The following TDP1 variants were observed in gnomAD, a reference collection of about 807,000 sequenced individuals.
The protein encoded by TDP1 is tyrosyl-DNA phosphodiesterase 1, also known as tyr-DNA phosphodiesterase 1.
TDP1 carries 64 observed loss-of-function variants against 81.5 expected under a neutral mutation model. That is an observed-to-expected ratio of 0.79 (90% CI 0.64 to 0.97). TDP1 has a LOEUF of 0.97. Ranked by LOEUF, TDP1 falls within the 50% of genes least tolerant of loss-of-function variation. The pLI, the probability that TDP1 is intolerant of heterozygous loss-of-function variation, is 0.00. For missense variants in TDP1, 723 were observed against 743.8 expected, an observed-to-expected ratio of 0.97 and a Z score of 0.33; for synonymous variants, 256 against 264.3, an observed-to-expected ratio of 0.97 and a Z score of 0.30.
rs184340592 is a variant in TDP1, at chr14:89,960,372, A to G, written c.-7-2736A>G. Among the ~76,000 whole-genome samples, 9 of 152,262 alleles carry G rather than the reference A, an allele frequency of 5.9e-5. No homozygotes were observed. The East Asian group carries it at 1.7e-3, about 29-fold the overall frequency. Reference sequence around the variant, plus strand: ...TAGTAAATCAATCTGAATCTCTTTCATGGAGGAAACTGGGCACTCAGACCC... The same window carrying G: ...TAGTAAATCAATCTGAATCTCTTTCGTGGAGGAAACTGGGCACTCAGACCC... On this transcript the variant is annotated intron_variant, in intron 2 of 16. Transcript: ENST00000335725.
chr14:90,042,668 C>T (rs1888474756), intron 16 of TDP1, among the ~76,000 whole-genome samples: 1 of 152,154 alleles, frequency 6.6e-6, no homozygotes. Flanking sequence ...GGCACGAGAG[C>T]ACTTGTGTAG....
rs73326494 is a variant in TDP1 at position 89,999,258 on chromosome 14, A to G, written c.1541+5775A>G. Among the ~76,000 whole-genome samples the G allele has an allele frequency of 4.0e-3, 610 of 152,348 alleles. 4 individuals carry two copies. The highest frequency in any genetic ancestry group is 0.014 in the African/African-American group (589 of 41,584). ...CCTAGATTTTATGCTCTGGTGGACA[A>G]TATCATCATCCTTGAGAATAAATTC... On this transcript the variant is annotated intron_variant, in intron 14 of 16. Coordinates refer to ENST00000335725, the MANE Select transcript of TDP1 (RefSeq NM_018319.4).
intron 16 of TDP1, among the ~76,000 whole-genome samples, chr14:90,036,816 T>TCAAAA (rs1887867049): frequency 7.6e-6 from 1 of 131,666 alleles, no homozygotes; most frequent in Non-Finnish European, 1.6e-5. Context: ...CCCCGCCCCT[T>TCAAAA]AAAAAAAAAA....
Position 90,033,277 on chromosome 14 carries a change from G to A in TDP1, c.1753+63G>A, listed in dbSNP as rs747293193. The A allele has an allele frequency of 1.0e-4, 100 of 988,576 alleles. No individual in the cohort carries two copies. The South Asian group carries it at 1.1e-3, about 11-fold the overall frequency. 61.2% of individuals were successfully genotyped at this position (988,576 alleles called of 1,614,324 possible). On this transcript the variant is annotated intron_variant, in intron 16 of 16. Transcript: ENST00000335725. The stretch of plus-strand genomic sequence containing the variant: ...CATAAGAAAAACAAACAGAGCCCAG[G>A]AGAAGCCTTTGGTCTCAGTGGGATC...
chr14:89,963,565 G>T lies in TDP1; in HGVS notation c.451G>T (p.Gly151Cys). ...AGACGAGTATGAGACATCAGGGGAGGGCCAGGACATTTGGGACATGCTGGA... is the reference window on the plus strand; with the variant it reads ...AGACGAGTATGAGACATCAGGGGAGTGCCAGGACATTTGGGACATGCTGGA... ...EEDEYETSGEGQDIWDMLDKG... is the reference protein window; with the variant it reads ...EEDEYETSGECQDIWDMLDKG... Residue 151 changes from glycine to cysteine, a missense_variant, in exon 3 of 17, where the codon GGC becomes TGC. Transcript: ENST00000335725. The T allele has an allele frequency of 6.2e-7, 1 of 1,613,364 alleles. No individual in the cohort carries two copies. Among genetic ancestry groups the T allele is most frequent in the Non-Finnish European group, 8.5e-7 (1 of 1,179,564 alleles).
intron 15 of TDP1, among the ~76,000 whole-genome samples, chr14:90,022,553 G>A (rs1392191710): frequency 6.6e-6 from 1 of 152,248 alleles, no homozygotes; most frequent in Non-Finnish European, 1.5e-5. Flanking sequence ...CCAGAGAAGG[G>A]AGGATGGATG....
chr14:89,959,128 A>T (rs932010711), intron 2 of TDP1, among the ~76,000 whole-genome samples: 2 of 152,228 alleles, frequency 1.3e-5, no homozygotes, highest in African/African-American at 4.8e-5. Context: ...CCACTTCAGG[A>T]AACACTGTGC....
intron 3 of TDP1, chr14:89,965,683 C>A (rs1008562060): frequency 2.9e-6 from 2 of 680,580 alleles, no homozygotes; most frequent in Non-Finnish European, 3.6e-6. Flanking sequence ...TCTGTCCTTT[C>A]ATTCACAGGC....
rs35281316 is a variant in TDP1, at chr14:89,992,682, A to C, written c.1434-694A>C. ...ACATTTCTTTAAATTGAACTCATTT[A>C]AATATTATATTATTAAATTCACTTG... On this transcript the variant is annotated intron_variant, in intron 13 of 16. Transcript: ENST00000335725. Among the ~76,000 whole-genome samples the C allele has an allele frequency of 6.0e-3, 907 of 152,320 alleles. 6 individuals are homozygous for C. Among genetic ancestry groups the C allele is most frequent in the African/African-American group, 0.021 (871 of 41,580 alleles).
rs532176584 is a variant in TDP1 at position 89,994,259 on chromosome 14, C to T, written c.1541+776C>T. On this transcript the variant is annotated intron_variant, in intron 14 of 16. Transcript: ENST00000335725. Reference sequence around the variant, plus strand: ...AACAAACTTTTAAACAAAAGAGCCACTTACATCTTCTTGGCGAGAGAGAAA... The same window carrying T: ...AACAAACTTTTAAACAAAAGAGCCATTTACATCTTCTTGGCGAGAGAGAAA... Among the ~76,000 whole-genome samples the T allele has an allele frequency of 1.8e-4, 28 of 152,310 alleles. No homozygotes were observed. In the South Asian group the frequency reaches 5.4e-3, roughly 29 times the overall value.
At chr14:90,037,172 A>C (rs963710551) in intron 16 of TDP1, among the ~76,000 whole-genome samples, 2 of 152,170 alleles carry the variant, frequency 1.3e-5, no homozygotes, top group African/African-American at 4.8e-5. Flanking sequence ...GATTATTTCC[A>C]TATGTCCCAC....
At chr14:89,998,420 A>ATATATATGTATG (rs1566891293) in intron 14 of TDP1, among the ~76,000 whole-genome samples, 5 of 79,284 alleles carry the variant, frequency 6.3e-5, no homozygotes, top group African/African-American at 2.6e-4. Context: ...ATATATATAT[A>ATATATATGTATG]TATGTATGTA....
intron 16 of TDP1, among the ~76,000 whole-genome samples, chr14:90,038,857 A>G (rs144294554): frequency 1.2e-3 from 189 of 151,706 alleles, no homozygotes; most frequent in African/African-American, 4.4e-3. Flanking sequence ...AATTGTTGAT[A>G]TGTTTTATTT....
chr14:89,974,177 T>TA (rs1566859306), intron 6 of TDP1, among the ~76,000 whole-genome samples: 1 of 152,218 alleles, frequency 6.6e-6, no homozygotes, highest in East Asian at 1.9e-4. Flanking sequence ...AATTGATTGC[T>TA]AATGCTGTTC....
chr14:90,013,626 G>A (rs1884979479), intron 14 of TDP1, among the ~76,000 whole-genome samples: 1 of 152,096 alleles, frequency 6.6e-6, no homozygotes, highest in South Asian at 2.1e-4. Flanking sequence ...CATGAGAACA[G>A]ACTGATACAA....
intron 14 of TDP1, chr14:90,019,007 C>G: frequency 2.0e-6 from 2 of 983,486 alleles, no homozygotes. Flanking sequence ...ACTCCAGGAT[C>G]GTGAAAAGAA....
At position 89,989,021 on chromosome 14, in the gene TDP1, T is replaced by G. The variant is rs1388852488; in HGVS notation, c.1248T>G (p.Phe416Leu). The change falls in exon 11 of 17, where the codon TTT (phenylalanine) becomes TTG (leucine). Residue 416 changes from phenylalanine (F) to leucine (L), a missense_variant. By Grantham distance (22) the Phe-to-Leu change is conservative (BLOSUM62 0). Coordinates refer to ENST00000335725, the MANE Select transcript of TDP1 (RefSeq NM_018319.4). ...AATCAAAGTGGTTATGTTCTGAGTT[T>G]AAAGAGAGCATGCTGACACTGGGGA... is the stretch of plus-strand genomic sequence containing the variant. The part of the protein sequence containing the change: ...ADESKWLCSE[F>L]KESMLTLGKE... 1 of 1,614,166 alleles carries G rather than the reference T, an allele frequency of 6.2e-7. No homozygotes were observed. Among genetic ancestry groups the G allele is most frequent in the Non-Finnish European group, 8.5e-7 (1 of 1,179,988 alleles).
chr14:89,991,706 A>G, intron 12 of TDP1: 1 of 959,452 alleles, frequency 1.0e-6, no homozygotes, highest in Non-Finnish European at 1.2e-6. Flanking sequence ...AGATTTGCAT[A>G]AAGTTAATAC....
intron 16 of TDP1, among the ~76,000 whole-genome samples, chr14:90,038,857 A>T (rs144294554): frequency 2.0e-4 from 30 of 151,706 alleles, no homozygotes; most frequent in African/African-American, 7.3e-4. Flanking sequence ...AATTGTTGAT[A>T]TGTTTTATTT....
Sources: gnomAD v4.1 joint callset for allele counts (sites outside exome capture counted in the v4.1 genomes callset) on GRCh38, gnomAD v4.1.1 for gene constraint, MANE v1.5 for transcripts, NCBI Gene and HGNC (gene_info 2026-07-23, HGNC 2026-07-21) for gene names.